MCC: variants seen among roughly 807,000 people sequenced by gnomAD.
MCC encodes the protein colorectal mutant cancer protein.
MCC carries 90 observed loss-of-function variants against 116.2 expected under a neutral mutation model. That is an observed-to-expected ratio of 0.77 (90% CI 0.65 to 0.92). MCC has a LOEUF of 0.92. Among genes scored for constraint, MCC ranks in the 40% least tolerant of loss-of-function variants. The pLI, the probability that MCC is intolerant of heterozygous loss-of-function variation, is 0.00. For missense variants in MCC, 1,516 were observed against 1,312.2 expected (o/e 1.16, Z -2.40); for synonymous variants, 578 against 510.5 (o/e 1.13, Z -1.78).
At chr5:113,149,478 T>C (rs1311792892) in intron 4 of MCC, among the ~76,000 whole-genome samples, 1 of 152,148 alleles carries the variant, frequency 6.6e-6, no homozygotes, top group Admixed American at 6.5e-5. Flanking sequence ...AAGGCACTGG[T>C]GGCCTTGCTG....
chr5:113,469,042 T>G (rs193216654), intron 1 of MCC, among the ~76,000 whole-genome samples: 2,772 of 152,292 alleles, frequency 0.018, 38 homozygotes, highest in Middle Eastern at 0.034. Context: ...CCTTTAACAT[T>G]TTTTATTGTG....
chr5:113,114,097 G>A (rs547316454), intron 6 of MCC, among the ~76,000 whole-genome samples: 3 of 152,068 alleles, frequency 2.0e-5, no homozygotes, highest in Admixed American at 6.5e-5. Flanking sequence ...AGAAAAAAAC[G>A]TATACACAAA....
intron 3 of MCC, among the ~76,000 whole-genome samples, chr5:113,259,028 T>G (rs1046812653): frequency 6.6e-6 from 1 of 151,864 alleles, no homozygotes; most frequent in African/African-American, 2.4e-5. Context: ...ATTTAACTTG[T>G]AGATGTGTGT....
intron 2 of MCC, among the ~76,000 whole-genome samples, chr5:113,382,580 T>C (rs530336915): frequency 6.6e-6 from 1 of 152,254 alleles, no homozygotes; most frequent in South Asian, 2.1e-4. Flanking sequence ...TTGGATGTAT[T>C]TGATTTACGT....
At chr5:113,103,120 A>C (rs1756527460) in intron 7 of MCC, among the ~76,000 whole-genome samples, 1 of 152,126 alleles carries the variant, frequency 6.6e-6, no homozygotes. Context: ...TCTAAAAAAA[A>C]ATAATAAAAA....
chr5:113,426,498 T>C (rs1379299830), intron 1 of MCC, among the ~76,000 whole-genome samples: 4 of 152,310 alleles, frequency 2.6e-5, no homozygotes, highest in Non-Finnish European at 5.9e-5. Flanking sequence ...GGAAAGTTTT[T>C]CTTTTTTGAA....
intron 1 of MCC, 121 bp downstream of exon 1, chr5:113,488,124 C>G (rs1580438007): frequency 9.2e-7 from 1 of 1,089,956 alleles, no homozygotes; most frequent in Non-Finnish European, 1.2e-6. Context: ...TCGCGGCCAA[C>G]TTTTCCCGCG....
chr5:113,167,847 C>T (rs1760858533), intron 3 of MCC, among the ~76,000 whole-genome samples: 1 of 152,084 alleles, frequency 6.6e-6, no homozygotes, highest in African/African-American at 2.4e-5. Flanking sequence ...CCAGACTGGT[C>T]CTGAACTCCT....
At chr5:113,164,354 C>G (rs1455700833) in intron 3 of MCC, among the ~76,000 whole-genome samples, 1 of 152,210 alleles carries the variant, frequency 6.6e-6, no homozygotes, top group Non-Finnish European at 1.5e-5. Context: ...TCCCATTGGT[C>G]TAGTTCCACA....
At chr5:113,443,991 TTGTGTGTG>T (rs34145955) in intron 1 of MCC, among the ~76,000 whole-genome samples, 1 of 143,984 alleles carries the variant, frequency 6.9e-6, no homozygotes, top group African/African-American at 2.6e-5. Flanking sequence ...CTCGGCTAAT[TTGTGTGTG>T]TGTGTGTGTG....
chr5:113,423,832 T>C (rs930513054), intron 1 of MCC, among the ~76,000 whole-genome samples: 1 of 152,286 alleles, frequency 6.6e-6, no homozygotes, highest in East Asian at 1.9e-4. Flanking sequence ...CCCACTTGCT[T>C]CTGGACTCAG....
chr5:113,463,578 A>G (rs1179917521), intron 1 of MCC, among the ~76,000 whole-genome samples: 1 of 152,236 alleles, frequency 6.6e-6, no homozygotes, highest in East Asian at 1.9e-4. Flanking sequence ...GGTCACATTC[A>G]CTGAGAGAGC....
chr5:113,468,254 T>C (rs1771972734), intron 1 of MCC, among the ~76,000 whole-genome samples: 1 of 152,172 alleles, frequency 6.6e-6, no homozygotes, highest in African/African-American at 2.4e-5. Context: ...ATCCCTGTCT[T>C]GTGCCAGTTT....
intron 17 of MCC, among the ~76,000 whole-genome samples, chr5:113,032,020 G>A (rs1750986830): frequency 6.6e-6 from 1 of 152,196 alleles, no homozygotes. Context: ...ATGCAAAGAC[G>A]AGGCCAAACT....
chr5:113,463,819 T>C (rs192078618), intron 1 of MCC, among the ~76,000 whole-genome samples: 1 of 152,210 alleles, frequency 6.6e-6, no homozygotes, highest in Admixed American at 6.5e-5. Context: ...GAAACGTAAA[T>C]ACCTAGAGAG....
intron 3 of MCC, among the ~76,000 whole-genome samples, chr5:113,255,383 G>T (rs1188666304): frequency 1.3e-5 from 2 of 152,094 alleles, no homozygotes; most frequent in Admixed American, 1.3e-4. Context: ...AGGGTAAAAG[G>T]TCCAAAATGA....
chr5:113,282,301 A>C (rs1435803406), intron 3 of MCC, among the ~76,000 whole-genome samples: 1 of 152,190 alleles, frequency 6.6e-6, no homozygotes, highest in Non-Finnish European at 1.5e-5. Context: ...TTTAATGCCA[A>C]ATAAAGAAGA....
chr5:113,053,605 G>A, intron 15 of MCC, 120 bp downstream of exon 15: 1 of 673,736 alleles, frequency 1.5e-6, no homozygotes, highest in Middle Eastern at 2.5e-4. Flanking sequence ...ATAAACAAGG[G>A]TCTAGCTCTT....
At chr5:113,218,191 AAGCGACATTGGCTT>A (rs1763399619) in intron 3 of MCC, among the ~76,000 whole-genome samples, 1 of 152,082 alleles carries the variant, frequency 6.6e-6, no homozygotes, top group African/African-American at 2.4e-5. Context: ...CACTGGCGAC[AAGCGACATTGGCTT>A]ATCGCCTCAG....
Sources: gnomAD v4.1 joint callset for allele counts (sites outside exome capture counted in the v4.1 genomes callset) on GRCh38, gnomAD v4.1.1 for gene constraint, MANE v1.5 for transcripts, NCBI Gene and HGNC (gene_info 2026-07-23, HGNC 2026-07-21) for gene names.